PDE4B: variants seen among roughly 807,000 people sequenced by gnomAD.
The protein encoded by PDE4B is 3',5'-cyclic-AMP phosphodiesterase 4B.
A neutral mutation model predicts 82.2 loss-of-function variants in PDE4B; 20 were observed. The ratio of observed to expected loss-of-function variants is 0.24; its 90% CI spans 0.17 to 0.35. The LOEUF (loss-of-function observed/expected upper bound fraction) is 0.35. PDE4B is among the 10% of genes least tolerant of loss of function. The pLI, the probability that PDE4B is intolerant of heterozygous loss-of-function variation, is 1.00. For missense variants in PDE4B, 655 were observed against 907.2 expected (o/e 0.72, Z 3.57); for synonymous variants, 320 against 318.9 (o/e 1.00, Z -0.04).
intron 3 of PDE4B, among the ~76,000 whole-genome samples, chr1:66,116,578 C>A (rs927096255): frequency 6.6e-6 from 1 of 152,222 alleles, no homozygotes; most frequent in Non-Finnish European, 1.5e-5. Flanking sequence ...CAGCCCACCA[C>A]CCCATGCAAG....
chr1:66,129,542 C>T (rs959575558), intron 3 of PDE4B, among the ~76,000 whole-genome samples: 2 of 149,848 alleles, frequency 1.3e-5, no homozygotes, highest in Non-Finnish European at 3.0e-5. Flanking sequence ...CGCCTGTAGT[C>T]CCAGCTACTT....
chr1:65,853,376 T>G (rs1243462551), intron 1 of PDE4B, among the ~76,000 whole-genome samples: 2 of 152,174 alleles, frequency 1.3e-5, no homozygotes, highest in Non-Finnish European at 2.9e-5. Flanking sequence ...TTATCTAATG[T>G]TATTATAGAT....
intron 3 of PDE4B, among the ~76,000 whole-genome samples, chr1:66,014,621 G>A (rs192944042): frequency 7.9e-5 from 12 of 152,082 alleles, no homozygotes; most frequent in African/African-American, 2.9e-4. Context: ...TATAAACCTG[G>A]AGTTCCTCTC....
chr1:66,355,061 A>C (rs574988902), intron 8 of PDE4B: 2 of 597,122 alleles, frequency 3.3e-6, no homozygotes, highest in Non-Finnish European at 2.9e-6. Flanking sequence ...CATTTTATTT[A>C]AGTGTACTAT....
chr1:66,179,104 G>A (rs530099506), intron 3 of PDE4B, among the ~76,000 whole-genome samples: 16 of 152,100 alleles, frequency 1.1e-4, no homozygotes, highest in South Asian at 4.1e-4. Context: ...TGCCTACCTC[G>A]GCCTCCCAAA....
intron 1 of PDE4B, among the ~76,000 whole-genome samples, chr1:65,853,722 G>C (rs1646359580): frequency 6.6e-6 from 1 of 151,940 alleles, no homozygotes; most frequent in Non-Finnish European, 1.5e-5. Flanking sequence ...TAGAGACGGG[G>C]TTTTACCATG....
chr1:66,107,969 T>G (rs1286991467), intron 3 of PDE4B, among the ~76,000 whole-genome samples: 1 of 152,050 alleles, frequency 6.6e-6, no homozygotes, highest in East Asian at 1.9e-4. Flanking sequence ...ATTTATTTTT[T>G]TAAATAATTA....
At chr1:66,005,841 G>A (rs1191272974) in intron 3 of PDE4B, among the ~76,000 whole-genome samples, 1 of 152,162 alleles carries the variant, frequency 6.6e-6, no homozygotes, top group Admixed American at 6.5e-5. Context: ...AGGGATTTGA[G>A]TTTTAATGCC....
chr1:65,872,691 G>C (rs1646587524), intron 1 of PDE4B, among the ~76,000 whole-genome samples: 1 of 152,110 alleles, frequency 6.6e-6, no homozygotes, highest in South Asian at 2.1e-4. Flanking sequence ...ATGCTTCATT[G>C]AATACTTATG....
intron 3 of PDE4B, among the ~76,000 whole-genome samples, chr1:66,227,157 G>A (rs775996442): frequency 9.2e-5 from 14 of 152,314 alleles, no homozygotes; most frequent in South Asian, 2.1e-4. Flanking sequence ...GCCATGTGGC[G>A]TCTAAGATGC....
intron 3 of PDE4B, among the ~76,000 whole-genome samples, chr1:65,967,159 A>C (rs1649878557): frequency 6.6e-6 from 1 of 152,258 alleles, no homozygotes. Context: ...GCTAATATCC[A>C]GAATCTACAA....
rs146066691 is a variant in PDE4B at position 65,952,043 on chromosome 1, G to A, written c.281+33208G>A. On this transcript the variant is annotated intron_variant, in intron 3 of 16. Coordinates refer to ENST00000341517, the MANE Select transcript of PDE4B (RefSeq NM_002600.4). ...GGACAGTGTTTTCAAAGTGTAGTCC[G>A]CACGTCAGAATATTAGCATTACTAG... Among the ~76,000 whole-genome samples, 96 of 152,026 alleles carry A rather than the reference G, an allele frequency of 6.3e-4. 1 individual carries two copies. The highest frequency in any genetic ancestry group is 7.4e-4 in the Non-Finnish European group (50 of 67,970).
At chr1:66,338,776 T>C (rs1362450033) in intron 8 of PDE4B, among the ~76,000 whole-genome samples, 1 of 152,124 alleles carries the variant, frequency 6.6e-6, no homozygotes, top group East Asian at 1.9e-4. Context: ...CCCAGCACTT[T>C]GGGAGGCCGA....
intron 3 of PDE4B, among the ~76,000 whole-genome samples, chr1:65,985,892 A>T (rs958588793): frequency 2.6e-5 from 4 of 152,172 alleles, no homozygotes; most frequent in African/African-American, 7.2e-5. Context: ...AATGAATAGA[A>T]ATTGCAACAC....
intron 3 of PDE4B, among the ~76,000 whole-genome samples, chr1:65,991,594 G>T (rs1055736042): frequency 6.6e-6 from 1 of 152,120 alleles, no homozygotes; most frequent in African/African-American, 2.4e-5. Context: ...ATAACATCCA[G>T]AAACTTCAAG....
At chr1:66,358,721 G>A (rs188559071) in intron 9 of PDE4B, among the ~76,000 whole-genome samples, 26 of 151,134 alleles carry the variant, frequency 1.7e-4, no homozygotes, top group Admixed American at 8.6e-4. Flanking sequence ...AATATAAAAG[G>A]TTCCTGTAAG....
In PDE4B at chr1:66,118,342, C is replaced by G. The variant is rs569875366; in HGVS notation, c.282-129118C>G. ...AACCCAAATGTCCAACAATGATAGACTGAATTAAGAAAATGTGGCACATAT... is the reference window on the plus strand; with the variant it reads ...AACCCAAATGTCCAACAATGATAGAGTGAATTAAGAAAATGTGGCACATAT... On this transcript the variant is annotated intron_variant, in intron 3 of 16. Transcript: ENST00000341517. 2.9e-3 allele frequency among the ~76,000 whole-genome samples: 446 copies of G among 152,044 alleles called. 2 individuals carry two copies. Among genetic ancestry groups the G allele is most frequent in the Non-Finnish European group, 5.3e-3 (360 of 68,002 alleles).
At chr1:65,911,920 C>G (rs1026667826) in intron 1 of PDE4B, among the ~76,000 whole-genome samples, 1 of 152,168 alleles carries the variant, frequency 6.6e-6, no homozygotes, top group African/African-American at 2.4e-5. Flanking sequence ...TACAATGCCA[C>G]TGCTTAGTAT....
chr1:65,995,430 AC>A (rs1187485199), intron 3 of PDE4B, among the ~76,000 whole-genome samples: 1 of 152,140 alleles, frequency 6.6e-6, no homozygotes, highest in East Asian at 1.9e-4. Flanking sequence ...TTCCCGGGGA[AC>A]CCCGATAAAG....
Sources: gnomAD v4.1 joint callset for allele counts (sites outside exome capture counted in the v4.1 genomes callset) on GRCh38, gnomAD v4.1.1 for gene constraint, MANE v1.5 for transcripts, NCBI Gene and HGNC (gene_info 2026-07-23, HGNC 2026-07-21) for gene names.